SLX4IP: variants seen among roughly 807,000 people sequenced by gnomAD.
The protein encoded by SLX4IP is SLX4 interacting protein, also known as protein SLX4IP.
In SLX4IP, 34 loss-of-function variants were observed where a neutral mutation model predicts 32.9. The observed-to-expected ratio is 1.03, with a 90% CI of 0.79 to 1.38. The LOEUF (loss-of-function observed/expected upper bound fraction) is 1.38. SLX4IP is among the 40% of genes most tolerant of loss of function. SLX4IP has a pLI of 0.00. For missense variants in SLX4IP, 444 were observed against 479.0 expected (o/e 0.93, Z 0.68); for synonymous variants, 172 against 171.7 (o/e 1.00, Z -0.01).
chr20:10,497,305 T>C (rs1340989448), intron 2 of SLX4IP, among the ~76,000 whole-genome samples: 2 of 152,192 alleles, frequency 1.3e-5, no homozygotes, highest in African/African-American at 2.4e-5. Flanking sequence ...AAGGCACTCT[T>C]CCATTTTCTG....
chr20:10,522,703 G>T (rs985528670), intron 2 of SLX4IP, among the ~76,000 whole-genome samples: 2 of 152,170 alleles, frequency 1.3e-5, no homozygotes, highest in African/African-American at 4.8e-5. Context: ...AGCCCAGCTG[G>T]CTGCTACTGG....
intron 2 of SLX4IP, among the ~76,000 whole-genome samples, chr20:10,469,152 A>G (rs1199614107): frequency 6.6e-6 from 1 of 152,206 alleles, no homozygotes; most frequent in Non-Finnish European, 1.5e-5. Flanking sequence ...GCATTTCTGA[A>G]GTGCCCAGTA....
At chr20:10,502,382 A>G (rs1372744241) in intron 2 of SLX4IP, among the ~76,000 whole-genome samples, 1 of 152,092 alleles carries the variant, frequency 6.6e-6, no homozygotes, top group Non-Finnish European at 1.5e-5. Flanking sequence ...CTCGGCTCCA[A>G]TGCTGGGGTA....
At chr20:10,588,212 A>G (rs187233077) in intron 4 of SLX4IP, among the ~76,000 whole-genome samples, 16 of 152,292 alleles carry the variant, frequency 1.1e-4, no homozygotes, top group African/African-American at 3.4e-4. Flanking sequence ...CTAAGTAGAT[A>G]TTTTCCCAAA....
rs1384464031 is a variant in SLX4IP at position 10,465,029 on chromosome 20, T to C, written c.27+6798T>C. On this transcript the variant is annotated intron_variant, in intron 2 of 7. Transcript: ENST00000334534. ...CAGGAAATGGCAGTAGTGCATGAGA[T>C]GTAGGAATCCTTGGAAGTATAACTT... Among the ~76,000 whole-genome samples, 4 of 152,168 alleles carry C rather than the reference T, an allele frequency of 2.6e-5. No homozygotes were observed. In the South Asian group the frequency reaches 8.3e-4, roughly 32 times the overall value.
In SLX4IP at chr20:10,623,715, C is replaced by G. The variant is rs1959443528; in HGVS notation, c.*336C>G. 3.4e-6 allele frequency: 1 copy of G among 296,284 alleles called. No individual in the cohort carries two copies. The highest frequency in any genetic ancestry group is 6.3e-6 in the Non-Finnish European group (1 of 158,154). 18.4% of individuals were successfully genotyped at this position (296,284 alleles called of 1,614,324 possible). On this transcript the variant is annotated 3_prime_UTR_variant, in exon 8 of 8. Transcript: ENST00000334534. ...TCATGAGCCCCTTCTTGGCACATCA[C>G]TGTGCAGACCACACAATGGACCGTG...
rs576555941 is a variant in SLX4IP, at chr20:10,588,882, T to A, written c.239-9793T>A. Among the ~76,000 whole-genome samples, 5 of 152,292 alleles carry A rather than the reference T, an allele frequency of 3.3e-5. No individual in the cohort carries two copies. The South Asian group carries it at 1.0e-3, about 32-fold the overall frequency. ...CTAATGTACACTGTGGTGACTGTAG[T>A]TAATAATCATTGCATACTTGAAATT... On this transcript the variant is annotated intron_variant, in intron 4 of 7. Transcript: ENST00000334534.
chr20:10,535,544 A>G (rs1202623525), intron 2 of SLX4IP, among the ~76,000 whole-genome samples: 2 of 151,910 alleles, frequency 1.3e-5, no homozygotes, highest in Non-Finnish European at 2.9e-5. Context: ...CTGATCTCGA[A>G]CTCCTGAGCT....
At chr20:10,603,664 C>A (rs919257998) in intron 6 of SLX4IP, among the ~76,000 whole-genome samples, 7 of 152,132 alleles carry the variant, frequency 4.6e-5, no homozygotes, top group African/African-American at 1.7e-4. Flanking sequence ...ATTTTCCCAG[C>A]CACATATGTC....
At chr20:10,562,605 G>A (rs569862296) in intron 4 of SLX4IP, among the ~76,000 whole-genome samples, 1 of 152,160 alleles carries the variant, frequency 6.6e-6, no homozygotes, top group Non-Finnish European at 1.5e-5. Context: ...GAAAACAGGA[G>A]TGCCTGTCCT....
chr20:10,540,096 T>TTCCC (rs1380282080), intron 2 of SLX4IP, among the ~76,000 whole-genome samples: 1 of 111,808 alleles, frequency 8.9e-6, no homozygotes, highest in Admixed American at 1.0e-4. Flanking sequence ...CCTTCCTTCC[T>TTCCC]TTCCTTCCTT....
At chr20:10,503,549 C>A (rs946350181) in intron 2 of SLX4IP, among the ~76,000 whole-genome samples, 5 of 152,226 alleles carry the variant, frequency 3.3e-5, no homozygotes, top group Admixed American at 2.6e-4. Context: ...AAGGCATCAT[C>A]TCTGTTCACA....
intron 1 of SLX4IP, among the ~76,000 whole-genome samples, chr20:10,438,987 G>A (rs539514925): frequency 6.2e-4 from 95 of 152,112 alleles, no homozygotes; most frequent in African/African-American, 2.0e-3. Flanking sequence ...TTATAGGCAT[G>A]AGCCACACAC....
At chr20:10,566,713 A>T (rs2066399121) in intron 4 of SLX4IP, among the ~76,000 whole-genome samples, 1 of 152,174 alleles carries the variant, frequency 6.6e-6, no homozygotes, top group African/African-American at 2.4e-5. Flanking sequence ...GGCCAGCTGC[A>T]GTTGAGCTGT....
At chr20:10,515,539 A>G (rs2065842977) in intron 2 of SLX4IP, among the ~76,000 whole-genome samples, 1 of 152,210 alleles carries the variant, frequency 6.6e-6, no homozygotes, top group Admixed American at 6.5e-5. Flanking sequence ...GGCTTATTTA[A>G]AAGTGTTGGC....
rs538286657 is a variant in SLX4IP at position 10,484,535 on chromosome 20, A to T, written c.27+26304A>T. On this transcript the variant is annotated intron_variant, in intron 2 of 7. Transcript: ENST00000334534. ...GGGTGAAGACTTCTCTCTGCTTGTC[A>T]CTGTGTGAGGCACACAGTGATACCA... is the stretch of plus-strand genomic sequence containing the variant. Among the ~76,000 whole-genome samples the T allele has an allele frequency of 3.3e-5, 5 of 152,212 alleles. No homozygotes were observed. In the East Asian group the frequency reaches 9.7e-4, roughly 29 times the overall value.
At chr20:10,493,543 C>G (rs2065643218) in intron 2 of SLX4IP, among the ~76,000 whole-genome samples, 1 of 134,762 alleles carries the variant, frequency 7.4e-6, no homozygotes, top group African/African-American at 2.7e-5. Flanking sequence ...ACTTTTGTCT[C>G]TTTCATTAAG....
chr20:10,523,012 C>T (rs1446818471), intron 2 of SLX4IP, among the ~76,000 whole-genome samples: 1 of 152,178 alleles, frequency 6.6e-6, no homozygotes, highest in East Asian at 1.9e-4. Flanking sequence ...CATTTAGCCT[C>T]TAAGTCTCCC....
chr20:10,459,982 G>A (rs1017034116), intron 2 of SLX4IP, among the ~76,000 whole-genome samples: 1 of 152,096 alleles, frequency 6.6e-6, no homozygotes, highest in African/African-American at 2.4e-5. Flanking sequence ...TAATATTATA[G>A]CTCTGTCTTA....
Sources: gnomAD v4.1 joint callset for allele counts (sites outside exome capture counted in the v4.1 genomes callset) on GRCh38, gnomAD v4.1.1 for gene constraint, MANE v1.5 for transcripts, NCBI Gene and HGNC (gene_info 2026-07-23, HGNC 2026-07-21) for gene names.